Variants in OTOGL observed in about 807,000 individuals in gnomAD.
The protein encoded by OTOGL is otogelin like.
A neutral mutation model predicts 318.5 loss-of-function variants in OTOGL; 285 were observed. The observed-to-expected ratio is 0.89, with a 90% CI of 0.81 to 0.99. The LOEUF is 0.99. Among genes scored for constraint, OTOGL ranks in the 50% least tolerant of loss-of-function variants. OTOGL has a pLI of 0.00. For missense variants in OTOGL, 2,899 were observed against 2,845.6 expected (o/e 1.02, Z -0.43); for synonymous variants, 987 against 936.5 (o/e 1.05, Z -0.99).
intron 34 of OTOGL, among the ~76,000 whole-genome samples, chr12:80,321,927 C>G (rs950131876): frequency 2.0e-5 from 3 of 152,208 alleles, no homozygotes; most frequent in Non-Finnish European, 4.4e-5. Flanking sequence ...TGAACTGAAT[C>G]TTGTCTGCAC....
At position 80,267,278 on chromosome 12, in the gene OTOGL, G is replaced by A; in HGVS notation, c.2416G>A (p.Gly806Ser). The change falls in exon 22 of 59, where the codon GGC becomes AGC. Residue 806 changes from glycine (G) to serine (S), a missense_variant. By Grantham distance (56) the Gly-to-Ser change is moderately conservative. Around this residue, in one of 3 missense-constraint regions of OTOGL, gnomAD observed 2,607 missense variants for 2,524.9 expected, o/e 1.03. Coordinates refer to ENST00000547103, the MANE Select transcript of OTOGL (RefSeq NM_001378609.3). Reference protein sequence around the residue: ...PIFHCRCHYRGSVYQPGELIP... With the variant: ...PIFHCRCHYRSSVYQPGELIP... ...ATTCCACTGCCGTTGTCATTATAGG[G>A]GCAGTGTTTATCAACCTGGAGAGCT... is the stretch of plus-strand genomic sequence containing the variant. 2.6e-6 allele frequency: 4 copies of A among 1,562,982 alleles called. No homozygotes were observed. The highest frequency in any genetic ancestry group is 3.5e-6 in the Non-Finnish European group (4 of 1,142,818).
At position 80,217,672 on chromosome 12, in the gene OTOGL, T is replaced by C; in HGVS notation, c.235+8T>C. On this transcript the variant is annotated splice_region_variant and intron_variant, in intron 5 of 58. Coordinates refer to ENST00000547103, the MANE Select transcript of OTOGL (RefSeq NM_001378609.3). ...GTGAGAGCAAAATAAAAGGTCAGTGTTTATACTTAGGTTTTCATATTTGCT... is the reference window on the plus strand; with the variant it reads ...GTGAGAGCAAAATAAAAGGTCAGTGCTTATACTTAGGTTTTCATATTTGCT... The C allele has an allele frequency of 2.0e-6, 3 of 1,505,144 alleles. No homozygotes were observed. The highest frequency in any genetic ancestry group is 2.7e-6 in the Non-Finnish European group (3 of 1,109,550). The allele number at this position is 1,505,144 out of a possible 1,614,324, so 93.2% of individuals were successfully genotyped here.
chr12:80,127,520 G>A (rs920400675), intron 1 of OTOGL, among the ~76,000 whole-genome samples: 82 of 152,102 alleles, frequency 5.4e-4, no homozygotes, highest in African/African-American at 1.9e-3. Context: ...TGTGTGTCTT[G>A]GAGTTGCTCT....
At chr12:80,108,936 G>GTGTA (rs1555268621) in intron 1 of OTOGL, among the ~76,000 whole-genome samples, 12 of 128,242 alleles carry the variant, frequency 9.4e-5, no homozygotes, top group Middle Eastern at 3.7e-3. Context: ...ATATGTGTGT[G>GTGTA]TATATATATA....
intron 49 of OTOGL, among the ~76,000 whole-genome samples, chr12:80,357,220 A>G (rs748198635): frequency 1.3e-5 from 2 of 152,188 alleles, no homozygotes; most frequent in African/African-American, 4.8e-5. Flanking sequence ...CTTTCCTTGA[A>G]GAACCAACTT....
intron 1 of OTOGL, among the ~76,000 whole-genome samples, chr12:80,144,449 C>G (rs1457040989): frequency 2.0e-5 from 3 of 148,610 alleles, no homozygotes; most frequent in Non-Finnish European, 4.4e-5. Flanking sequence ...TTAATCCGGT[C>G]TATCATTGTT....
rs187833793 is a variant in OTOGL, at chr12:80,161,676, G to T, written c.-19-47737G>T. On this transcript the variant is annotated intron_variant, in intron 1 of 58. Coordinates refer to ENST00000547103, the MANE Select transcript of OTOGL (RefSeq NM_001378609.3). ...ATGGCACTGAAAGAACGGTGCTACCGTTAGTAGAAATATACAAGATAGTGG... is the reference window on the plus strand; with the variant it reads ...ATGGCACTGAAAGAACGGTGCTACCTTTAGTAGAAATATACAAGATAGTGG... Among the ~76,000 whole-genome samples the T allele has an allele frequency of 2.0e-5, 3 of 152,212 alleles. No homozygotes were observed. The East Asian group carries it at 5.8e-4, about 29-fold the overall frequency.
At chr12:80,165,096 T>C (rs1873751662) in intron 1 of OTOGL, among the ~76,000 whole-genome samples, 1 of 152,178 alleles carries the variant, frequency 6.6e-6, no homozygotes, top group African/African-American at 2.4e-5. Context: ...GCTTTCTCCC[T>C]GTGTGGGATA....
At chr12:80,157,201 C>T (rs1873182479) in intron 1 of OTOGL, among the ~76,000 whole-genome samples, 1 of 152,098 alleles carries the variant, frequency 6.6e-6, no homozygotes, top group Non-Finnish European at 1.5e-5. Context: ...TGATATTGAA[C>T]ACCTTTTCAT....
At chr12:80,156,459 C>A (rs988776147) in intron 1 of OTOGL, among the ~76,000 whole-genome samples, 1 of 152,158 alleles carries the variant, frequency 6.6e-6, no homozygotes, top group Non-Finnish European at 1.5e-5. Context: ...AGAACCCTGA[C>A]TAATACACCA....
At chr12:80,119,097 A>G (rs1283457467) in intron 1 of OTOGL, among the ~76,000 whole-genome samples, 1 of 152,184 alleles carries the variant, frequency 6.6e-6, no homozygotes, top group Non-Finnish European at 1.5e-5. Context: ...CAGTGGGAAG[A>G]AGAGAGGAAA....
chr12:80,310,754 G>A (rs776655491), intron 30 of OTOGL, 27 bp downstream of exon 30: 18 of 1,492,162 alleles, frequency 1.2e-5, no homozygotes, highest in Admixed American at 1.7e-5. Flanking sequence ...ATGAACTCTC[G>A]AGTTTCAATA....
rs192175420 is a variant in OTOGL, at chr12:80,297,383, G to C, written c.3063+422G>C. On this transcript the variant is annotated intron_variant, in intron 27 of 58. Transcript: ENST00000547103. ...GTCTCACTCTGTTGCCCAGGCTGGA[G>C]TGCAGTGGCACGATCTCGGCTCACC... Among the ~76,000 whole-genome samples, 298 of 150,146 alleles carry C rather than the reference G, an allele frequency of 2.0e-3. 1 individual carries two copies. The highest frequency in any genetic ancestry group is 6.7e-3 in the African/African-American group (273 of 40,744).
chr12:80,251,984 A>T, intron 12 of OTOGL, 92 bp from the exon 13 acceptor site: 1 of 1,361,002 alleles, frequency 7.3e-7, no homozygotes, highest in South Asian at 1.8e-5. Flanking sequence ...TATTTTTTGC[A>T]AATTATTTTT....
At chr12:80,164,114 A>C (rs1368400889) in intron 1 of OTOGL, among the ~76,000 whole-genome samples, 1 of 152,172 alleles carries the variant, frequency 6.6e-6, no homozygotes, top group African/African-American at 2.4e-5. Flanking sequence ...AAAATTGGCT[A>C]TCTAGCTTCA....
chr12:80,328,616 G>A (rs368392691), intron 35 of OTOGL, 49 bp from the exon 36 acceptor site: 5 of 1,143,420 alleles, frequency 4.4e-6, no homozygotes, highest in Admixed American at 2.4e-5. Context: ...TTTTTTTTTT[G>A]TATTTCAAAC....
intron 28 of OTOGL, among the ~76,000 whole-genome samples, chr12:80,303,410 C>T (rs1279250564): frequency 1.3e-5 from 2 of 152,198 alleles, no homozygotes; most frequent in Admixed American, 1.3e-4. Context: ...CCGCCTCGGC[C>T]TCCCAAAGTG....
chr12:80,235,483 A>AAAAAG, intron 9 of OTOGL, among the ~76,000 whole-genome samples: 1 of 151,806 alleles, frequency 6.6e-6, no homozygotes, highest in Non-Finnish European at 1.5e-5. Context: ...AAAAAAAAAA[A>AAAAAG]AAAAAAGAAA....
chr12:80,137,546 C>A (rs1871655786), intron 1 of OTOGL, among the ~76,000 whole-genome samples: 1 of 152,120 alleles, frequency 6.6e-6, no homozygotes, highest in African/African-American at 2.4e-5. Flanking sequence ...GCTCAGTGCC[C>A]AGACCTTAAC....
Sources: gnomAD v4.1 joint callset for allele counts (sites outside exome capture counted in the v4.1 genomes callset) on GRCh38, gnomAD v4.1.1 for gene constraint, gnomAD v4.1.1 regional missense constraint, MANE v1.5 for transcripts, NCBI Gene and HGNC (gene_info 2026-07-23, HGNC 2026-07-21) for gene names.